GRIN2A: variants seen among roughly 807,000 people sequenced by gnomAD.
GRIN2A encodes the protein glutamate ionotropic receptor NMDA type subunit 2A.
Under a neutral mutation model 113.4 loss-of-function variants are expected in GRIN2A, and 22 were observed. The observed-to-expected ratio is 0.19, with a 90% CI of 0.14 to 0.28. The LOEUF is 0.28. Ranked by LOEUF, GRIN2A falls within the 10% of genes least tolerant of loss-of-function variation. The pLI is 1.00. For missense variants in GRIN2A, 1,502 were observed against 1,887.0 expected, an observed-to-expected ratio of 0.80 and a Z score of 3.78; for synonymous variants, 827 against 738.4, an observed-to-expected ratio of 1.12 and a Z score of -1.94.
At chr16:9,849,105 ATATAC>A in intron 5 of GRIN2A, among the ~76,000 whole-genome samples, 1 of 98,186 alleles carries the variant, frequency 1.0e-5, no homozygotes, top group Non-Finnish European at 2.0e-5. Flanking sequence ...AATATATAAA[ATATAC>A]TGTTTTATAT....
chr16:10,128,556 G>A (rs556192302), intron 2 of GRIN2A, among the ~76,000 whole-genome samples: 1 of 152,302 alleles, frequency 6.6e-6, no homozygotes, highest in Non-Finnish European at 1.5e-5. Context: ...GAGGGCTCCT[G>A]CCACCCCACT....
At chr16:9,969,039 T>C (rs1033095924) in intron 2 of GRIN2A, among the ~76,000 whole-genome samples, 2 of 152,336 alleles carry the variant, frequency 1.3e-5, no homozygotes, top group South Asian at 2.1e-4. Context: ...ATATTTCACA[T>C]TCTTTTTTTT....
In GRIN2A at chr16:9,756,852, C is replaced by G. The variant is rs142486205; in HGVS notation, c.*6297G>C. On this transcript the variant is annotated 3_prime_UTR_variant, in exon 13 of 13. Transcript: ENST00000330684. Reference sequence around the variant, plus strand: ...CTCCCTCTCCACCTCGCCATCCTTCCTGAAATACACCTCTATTCCTTTTGC... The same window carrying G: ...CTCCCTCTCCACCTCGCCATCCTTCGTGAAATACACCTCTATTCCTTTTGC... 4.9e-5 allele frequency: 9 copies of G among 183,892 alleles called. No individual in the cohort carries two copies. The highest frequency in any genetic ancestry group is 9.2e-5 in the Non-Finnish European group (8 of 86,494). 11.4% of individuals were successfully genotyped at this position (183,892 alleles called of 1,614,324 possible).
chr16:10,042,323 T>G (rs1567256330), intron 2 of GRIN2A, among the ~76,000 whole-genome samples: 1 of 152,176 alleles, frequency 6.6e-6, no homozygotes, highest in Non-Finnish European at 1.5e-5. Context: ...TTGCCTTCTC[T>G]CTTTTGGATC....
rs1172038015 is a variant in GRIN2A at position 10,039,767 on chromosome 16, A to AGGGAGAGGGAGG, written c.415-101228_415-101217dup. Among the ~76,000 whole-genome samples the AGGGAGAGGGAGG allele has an allele frequency of 4.7e-3, 228 of 48,606 alleles. 4 individuals are homozygous for AGGGAGAGGGAGG. The highest frequency in any genetic ancestry group is 7.4e-3 in the Non-Finnish European group (195 of 26,364). 31.9% of individuals were successfully genotyped at this position (48,606 alleles called of 152,430 possible). ...AGGAGCCTGAGCAAATGTGCAAGGG[A>AGGGAGAGGGAGG]GGGAGAGGGAGGGGGAGGGGGAGGG... is the stretch of plus-strand genomic sequence containing the variant. On this transcript the variant is annotated intron_variant, in intron 2 of 12. Transcript: ENST00000330684.
intron 2 of GRIN2A, among the ~76,000 whole-genome samples, chr16:10,035,590 G>T (rs1324798408): frequency 6.6e-6 from 1 of 152,180 alleles, no homozygotes; most frequent in Non-Finnish European, 1.5e-5. Context: ...AAACTTGAGT[G>T]TGCATGGGCA....
chr16:10,068,706 C>A (rs890740526), intron 2 of GRIN2A, among the ~76,000 whole-genome samples: 6 of 152,118 alleles, frequency 3.9e-5, no homozygotes, highest in Non-Finnish European at 8.8e-5. Flanking sequence ...TTGGGAGAGG[C>A]AGATAATAGA....
Position 10,001,563 on chromosome 16 carries a change from C to G in GRIN2A, c.415-63012G>C, listed in dbSNP as rs183004803. On this transcript the variant is annotated intron_variant, in intron 2 of 12. Coordinates refer to ENST00000330684, the MANE Select transcript of GRIN2A (RefSeq NM_001134407.3). Reference sequence around the variant, plus strand: ...TCGTGAACACAACATGGGAACCTGCCAACATTCCACAAGTGCTTCCATGCA... The same window carrying G: ...TCGTGAACACAACATGGGAACCTGCGAACATTCCACAAGTGCTTCCATGCA... 3.1e-3 allele frequency among the ~76,000 whole-genome samples: 472 copies of G among 152,264 alleles called. 1 individual carries two copies. The highest frequency in any genetic ancestry group is 4.8e-3 in the Non-Finnish European group (326 of 68,022).
chr16:9,939,977 T>C (rs1306558159), intron 2 of GRIN2A, among the ~76,000 whole-genome samples: 2 of 151,758 alleles, frequency 1.3e-5, no homozygotes, highest in East Asian at 1.9e-4. Context: ...ACCATGAGTA[T>C]TGAACACAAC....
chr16:10,124,025 C>T (rs1237539416), intron 2 of GRIN2A, among the ~76,000 whole-genome samples: 1 of 152,150 alleles, frequency 6.6e-6, no homozygotes, highest in African/African-American at 2.4e-5. Flanking sequence ...CACCTTCTTT[C>T]CAGGCAGTAG....
intron 10 of GRIN2A, among the ~76,000 whole-genome samples, chr16:9,816,566 T>C (rs2042190596): frequency 6.6e-6 from 1 of 152,176 alleles, no homozygotes; most frequent in African/African-American, 2.4e-5. Context: ...AGGGACGTTG[T>C]TTAATTTAAA....
At chr16:9,850,624 G>A (rs756729834) in intron 4 of GRIN2A, among the ~76,000 whole-genome samples, 2 of 152,154 alleles carry the variant, frequency 1.3e-5, no homozygotes, top group African/African-American at 4.8e-5. Context: ...AGACAACACA[G>A]AGAAGAGATG....
intron 3 of GRIN2A, among the ~76,000 whole-genome samples, chr16:9,912,884 G>C (rs1357108222): frequency 6.6e-6 from 1 of 152,224 alleles, no homozygotes; most frequent in Non-Finnish European, 1.5e-5. Context: ...AAGTGGATGG[G>C]AGGATTCCAA....
chr16:10,165,073 A>G (rs764250300), intron 2 of GRIN2A, among the ~76,000 whole-genome samples: 1 of 152,216 alleles, frequency 6.6e-6, no homozygotes, highest in Non-Finnish European at 1.5e-5. Flanking sequence ...ATTCTATTAA[A>G]AGCCAATAAT....
At chr16:10,111,709 T>G in intron 2 of GRIN2A, 1 of 1,553,352 alleles carries the variant, frequency 6.4e-7, no homozygotes, top group South Asian at 1.1e-5. Flanking sequence ...GGTCAAGAAG[T>G]TTGAACAGGG....
intron 2 of GRIN2A, among the ~76,000 whole-genome samples, chr16:9,989,401 A>G (rs372467897): frequency 1.4e-5 from 2 of 145,572 alleles, no homozygotes; most frequent in African/African-American, 2.6e-5. Context: ...AAGATGGATT[A>G]AAGACTTAAA....
rs1329987035 is a variant in GRIN2A, at chr16:9,758,975, TTTTC to T, written c.*4170_*4173del. 4.0e-5 allele frequency: 9 copies of T among 222,528 alleles called. No homozygotes were observed. The highest frequency in any genetic ancestry group is 2.0e-4 in the African/African-American group (9 of 44,870). The allele number at this position is 222,528 out of a possible 1,614,324, so 13.8% of individuals were successfully genotyped here. A position where few individuals can be genotyped will look rare whatever the true frequency, so the allele number is the denominator to read the frequency against. On this transcript the variant is annotated 3_prime_UTR_variant, in exon 13 of 13. Transcript: ENST00000330684. The stretch of plus-strand genomic sequence containing the variant: ...TTAGCTTCCACCTACTCAAACTTCT[TTTTC>T]TTTGAGTCCAATCATGTCTACTATA...
At chr16:9,967,041 G>T (rs940744042) in intron 2 of GRIN2A, among the ~76,000 whole-genome samples, 1 of 152,142 alleles carries the variant, frequency 6.6e-6, no homozygotes, top group African/African-American at 2.4e-5. Context: ...TATTAGTTCA[G>T]CACTATTAAG....
At chr16:9,769,540 A>G (rs1193646970) in intron 11 of GRIN2A, among the ~76,000 whole-genome samples, 2 of 150,252 alleles carry the variant, frequency 1.3e-5, no homozygotes, top group Non-Finnish European at 3.0e-5. Context: ...CAAGCTTGGA[A>G]CAAGACATGG....
Sources: gnomAD v4.1 joint callset for allele counts (sites outside exome capture counted in the v4.1 genomes callset) on GRCh38, gnomAD v4.1.1 for gene constraint, MANE v1.5 for transcripts, NCBI Gene and HGNC (gene_info 2026-07-23, HGNC 2026-07-21) for gene names.